Variants in ADAMTS6 observed in about 807,000 individuals in gnomAD.
The protein encoded by ADAMTS6 is ADAM metallopeptidase with thrombospondin type 1 motif 6, also known as A disintegrin and metalloproteinase with thrombospondin motifs 6.
Under a neutral mutation model 144.3 loss-of-function variants are expected in ADAMTS6, and 23 were observed. The ratio of observed to expected loss-of-function variants is 0.16; its 90% CI spans 0.11 to 0.23. The LOEUF is 0.23. Ranked by LOEUF, ADAMTS6 falls within the 10% of genes least tolerant of loss-of-function variation. The pLI is 1.00. For missense variants in ADAMTS6, 999 were observed against 1,379.6 expected (o/e 0.72, Z 4.37); for synonymous variants, 444 against 457.5 (o/e 0.97, Z 0.38).
At chr5:65,152,457 A>G (rs1027784767) in intron 24 of ADAMTS6, among the ~76,000 whole-genome samples, 5 of 152,072 alleles carry the variant, frequency 3.3e-5, no homozygotes, top group African/African-American at 1.2e-4. Context: ...GATTGCTGAG[A>G]GTGGCCTAGA....
At chr5:65,481,190 G>A (rs1229148177) in intron 1 of ADAMTS6, among the ~76,000 whole-genome samples, 153 bp downstream of exon 1, 1 of 138,440 alleles carries the variant, frequency 7.2e-6, no homozygotes, top group African/African-American at 2.7e-5. Flanking sequence ...TGTAAAATGA[G>A]TTCAGTCAAG....
At chr5:65,256,746 G>A (rs6866059) in intron 14 of ADAMTS6, among the ~76,000 whole-genome samples, 4 of 151,852 alleles carry the variant, frequency 2.6e-5, no homozygotes, top group Admixed American at 1.3e-4. Context: ...CTAAATGTAC[G>A]CCCAACCCTG....
chr5:65,288,318 C>CTTTT (rs35577398), intron 11 of ADAMTS6, among the ~76,000 whole-genome samples: 1 of 136,136 alleles, frequency 7.3e-6, no homozygotes, highest in Admixed American at 7.3e-5. Flanking sequence ...CTTTTCTTTT[C>CTTTT]TTTTTTTTTT....
At chr5:65,230,308 ATATGAAATATATATAATACAT>A (rs1176226626) in intron 15 of ADAMTS6, among the ~76,000 whole-genome samples, 3 of 122,658 alleles carry the variant, frequency 2.4e-5, no homozygotes, top group African/African-American at 6.8e-5. Flanking sequence ...ATATATATAT[ATATGAAATATATATAATACAT>A]TATATATATG....
intron 7 of ADAMTS6, among the ~76,000 whole-genome samples, chr5:65,441,899 A>C (rs1757888542): frequency 6.6e-6 from 1 of 151,990 alleles, no homozygotes; most frequent in Admixed American, 6.6e-5. Flanking sequence ...TGGAACTGAA[A>C]CTCAACATAT....
At chr5:65,360,481 A>G (rs955145395) in intron 7 of ADAMTS6, among the ~76,000 whole-genome samples, 2 of 152,184 alleles carry the variant, frequency 1.3e-5, no homozygotes, top group African/African-American at 2.4e-5. Flanking sequence ...CAATGTATAT[A>G]TATAGCAATA....
chr5:65,370,900 A>G lies in ADAMTS6; in HGVS notation c.1074-36815T>C, dbSNP rs12153597. ...TCTGACAGCTTTGAAGAGAGCAGTG[A>G]TTCTCCCAGCACACAGCTGGAGATC... On this transcript the variant is annotated intron_variant, in intron 7 of 24. Transcript: ENST00000381055. Among the ~76,000 whole-genome samples the G allele has an allele frequency of 5.4e-3, 823 of 152,278 alleles. 3 individuals carry two copies. The highest frequency in any genetic ancestry group is 9.4e-3 in the Non-Finnish European group (642 of 68,012).
At chr5:65,258,538 A>G (rs961867678) in intron 14 of ADAMTS6, among the ~76,000 whole-genome samples, 3 of 152,202 alleles carry the variant, frequency 2.0e-5, no homozygotes, top group Non-Finnish European at 4.4e-5. Flanking sequence ...TCTGCCTCCT[A>G]TATCGAGGAC....
At chr5:65,366,021 T>C (rs1203634922) in intron 7 of ADAMTS6, among the ~76,000 whole-genome samples, 1 of 151,674 alleles carries the variant, frequency 6.6e-6, no homozygotes, top group African/African-American at 2.4e-5. Context: ...AAAAAAAAAA[T>C]CTCTTTTGGT....
intron 15 of ADAMTS6, among the ~76,000 whole-genome samples, chr5:65,240,216 C>T (rs1226461242): frequency 1.3e-5 from 2 of 151,908 alleles, no homozygotes; most frequent in South Asian, 4.2e-4. Flanking sequence ...GTGATTCTCC[C>T]GCCTCAGCCT....
chr5:65,400,488 T>A (rs909616265), intron 7 of ADAMTS6, among the ~76,000 whole-genome samples: 1 of 152,220 alleles, frequency 6.6e-6, no homozygotes, highest in African/African-American at 2.4e-5. Context: ...AGTGTTGGAA[T>A]TATAGGCATG....
intron 15 of ADAMTS6, among the ~76,000 whole-genome samples, chr5:65,234,022 T>G (rs1002839328): frequency 7.1e-6 from 1 of 140,764 alleles, no homozygotes; most frequent in Non-Finnish European, 1.5e-5. Context: ...GAAAATAGAG[T>G]GAGGAGAGGG....
chr5:65,274,681 T>C (rs1762318049), intron 11 of ADAMTS6, among the ~76,000 whole-genome samples: 2 of 143,280 alleles, frequency 1.4e-5, no homozygotes, highest in Admixed American at 1.5e-4. Context: ...AAGGTTTTTG[T>C]TTGTTTGTTT....
intron 10 of ADAMTS6, among the ~76,000 whole-genome samples, chr5:65,293,531 AAAGAAGAATTT>A (rs1229453580): frequency 2.5e-5 from 3 of 118,068 alleles, no homozygotes; most frequent in Admixed American, 8.4e-5. Flanking sequence ...TGTAGATCCC[AAAGAAGAATTT>A]AAGAATAGAT....
At chr5:65,274,475 G>A (rs1356365028) in intron 11 of ADAMTS6, among the ~76,000 whole-genome samples, 1 of 151,936 alleles carries the variant, frequency 6.6e-6, no homozygotes, top group Non-Finnish European at 1.5e-5. Context: ...TTCCTCAACT[G>A]ATCTTTTAAC....
intron 11 of ADAMTS6, among the ~76,000 whole-genome samples, chr5:65,273,869 C>A (rs1300872031): frequency 6.6e-6 from 1 of 152,012 alleles, no homozygotes; most frequent in Non-Finnish European, 1.5e-5. Context: ...CCATAATATT[C>A]AAATGAAGAC....
intron 7 of ADAMTS6, among the ~76,000 whole-genome samples, chr5:65,375,175 T>G (rs777733356): frequency 1.2e-4 from 18 of 152,120 alleles, no homozygotes; most frequent in Non-Finnish European, 2.2e-4. Flanking sequence ...AAACCTAGGC[T>G]TTACCATTCA....
At chr5:65,441,300 G>A (rs1757840044) in intron 7 of ADAMTS6, among the ~76,000 whole-genome samples, 1 of 152,078 alleles carries the variant, frequency 6.6e-6, no homozygotes, top group South Asian at 2.1e-4. Context: ...ACACAGAGAA[G>A]AGAGACTTTA....
intron 3 of ADAMTS6, among the ~76,000 whole-genome samples, chr5:65,463,117 G>A (rs1759749047): frequency 6.6e-6 from 1 of 150,738 alleles, no homozygotes; most frequent in Non-Finnish European, 1.5e-5. Context: ...ACAAATAAAT[G>A]ATGAAGCAGG....
Sources: gnomAD v4.1 joint callset for allele counts (sites outside exome capture counted in the v4.1 genomes callset) on GRCh38, gnomAD v4.1.1 for gene constraint, MANE v1.5 for transcripts, NCBI Gene and HGNC (gene_info 2026-07-23, HGNC 2026-07-21) for gene names.